THEMIS: variants seen among roughly 807,000 people sequenced by gnomAD.
The protein encoded by THEMIS is thymocyte selection associated.
In THEMIS, 37 loss-of-function variants were observed where a neutral mutation model predicts 52.6. The ratio of observed to expected loss-of-function variants is 0.70; its 90% confidence interval spans 0.54 to 0.93. THEMIS has a LOEUF of 0.93. Among genes scored for constraint, THEMIS ranks in the 40% least tolerant of loss-of-function variants. THEMIS has a pLI of 0.00. For missense variants in THEMIS, 808 were observed against 763.1 expected, an observed-to-expected ratio of 1.06 and a Z score of -0.69; for synonymous variants, 292 against 272.7, an observed-to-expected ratio of 1.07 and a Z score of -0.70.
At chr6:127,912,597 C>A (rs922338607) in intron 1 of THEMIS, among the ~76,000 whole-genome samples, 4 of 152,102 alleles carry the variant, frequency 2.6e-5, no homozygotes, top group African/African-American at 4.8e-5. Flanking sequence ...TTATTTTAGA[C>A]CCAGGGATGA....
intron 4 of THEMIS, among the ~76,000 whole-genome samples, chr6:127,746,974 AT>A (rs1299778535): frequency 6.0e-5 from 5 of 83,610 alleles, no homozygotes; most frequent in Admixed American, 2.0e-4. Flanking sequence ...CTATAATTAT[AT>A]TATATATAAT....
At position 127,731,864 on chromosome 6, in the gene THEMIS, A is replaced by ATTTTTTTTTTTTTTTTTTTTTTTT. The variant is rs58263706; in HGVS notation, c.1759-12042_1759-12041insAAAAAAAAAAAAAAAAAAAAAAAA. Among the ~76,000 whole-genome samples, 33 of 41,714 alleles carry ATTTTTTTTTTTTTTTTTTTTTTTT rather than the reference A, an allele frequency of 7.9e-4. 5 individuals are homozygous for ATTTTTTTTTTTTTTTTTTTTTTTT. Among genetic ancestry groups the ATTTTTTTTTTTTTTTTTTTTTTTT allele is most frequent in the Admixed American group, 2.3e-3 (5 of 2,158 alleles). The allele number at this position is 41,714 out of a possible 152,430, so 27.4% of individuals were successfully genotyped here. Reference sequence around the variant, plus strand: ...AGGTGCATGCCACCATGCCCGGCTAATTTTTTTTTTTTTTTTTTTTTTTAG... The same window carrying ATTTTTTTTTTTTTTTTTTTTTTTT: ...AGGTGCATGCCACCATGCCCGGCTAATTTTTTTTTTTTTTTTTTTTTTTTTTTTTTTTTTTTTTTTTTTTTTTAG... On this transcript the variant is annotated intron_variant, in intron 4 of 5. Coordinates refer to ENST00000368248, the MANE Select transcript of THEMIS (RefSeq NM_001010923.3).
At position 127,764,875 on chromosome 6, in the gene THEMIS, A is replaced by G. The variant is rs552554750; in HGVS notation, c.1759-45052T>C. Among the ~76,000 whole-genome samples, 6 of 151,988 alleles carry G rather than the reference A, an allele frequency of 3.9e-5. 1 individual carries two copies. In the South Asian group the frequency reaches 8.3e-4, roughly 21 times the overall value. On this transcript the variant is annotated intron_variant, in intron 4 of 5. Coordinates refer to ENST00000368248, the MANE Select transcript of THEMIS (RefSeq NM_001010923.3). Reference sequence around the variant, plus strand: ...CATTATCATGAAATTAGACCCCCCAATTGCAGTAGGAGTTTATGCTTCATT... The same window carrying G: ...CATTATCATGAAATTAGACCCCCCAGTTGCAGTAGGAGTTTATGCTTCATT...
At chr6:127,829,243 GCA>G (rs1172614145) in intron 3 of THEMIS, among the ~76,000 whole-genome samples, 2 of 152,106 alleles carry the variant, frequency 1.3e-5, no homozygotes, top group African/African-American at 4.8e-5. Context: ...GATAGTTATA[GCA>G]CCTCATATGT....
intron 4 of THEMIS, among the ~76,000 whole-genome samples, chr6:127,720,991 G>A (rs528774328): frequency 2.0e-4 from 30 of 151,822 alleles, no homozygotes; most frequent in Non-Finnish European, 3.8e-4. Context: ...TCTGACTTTT[G>A]GCCTATCAAT....
intron 3 of THEMIS, among the ~76,000 whole-genome samples, chr6:127,827,890 A>G (rs746810098): frequency 7.2e-5 from 11 of 152,060 alleles, no homozygotes; most frequent in Admixed American, 4.6e-4. Context: ...CTTAGTATAT[A>G]CTTCAAGACC....
At chr6:127,715,232 T>G (rs1453463549) in intron 5 of THEMIS, among the ~76,000 whole-genome samples, 1 of 151,918 alleles carries the variant, frequency 6.6e-6, no homozygotes, top group Non-Finnish European at 1.5e-5. Flanking sequence ...ACTAATATCG[T>G]TATTCTGTTT....
At chr6:127,892,046 G>GAA (rs1780828391) in intron 1 of THEMIS, among the ~76,000 whole-genome samples, 2 of 152,082 alleles carry the variant, frequency 1.3e-5, no homozygotes, top group Non-Finnish European at 2.9e-5. Flanking sequence ...TCTTCAGAGT[G>GAA]GCCTTCCCTG....
intron 1 of THEMIS, among the ~76,000 whole-genome samples, chr6:127,911,285 G>C (rs967723790): frequency 1.3e-5 from 2 of 151,164 alleles, no homozygotes; most frequent in African/African-American, 4.9e-5. Context: ...GTAGCTCCTT[G>C]AGGGAGGAAT....
intron 1 of THEMIS, among the ~76,000 whole-genome samples, chr6:127,885,391 A>T (rs1780613358): frequency 6.6e-6 from 1 of 152,060 alleles, no homozygotes; most frequent in African/African-American, 2.4e-5. Context: ...GACTTTTCTG[A>T]GTGGTGAGTT....
At chr6:127,796,984 A>G (rs1777351315) in intron 4 of THEMIS, among the ~76,000 whole-genome samples, 1 of 152,208 alleles carries the variant, frequency 6.6e-6, no homozygotes, top group South Asian at 2.1e-4. Context: ...ACTCCAGCTC[A>G]GTTTAGCATA....
At position 127,813,591 on chromosome 6, in the gene THEMIS, T is replaced by C. The variant is rs748194810; in HGVS notation, c.1050A>G (p.Pro350=). Residue 350 remains proline (P), a synonymous_variant, in exon 4 of 6, where the codon CCA becomes CCG. Coordinates refer to ENST00000368248, the MANE Select transcript of THEMIS (RefSeq NM_001010923.3). ...GKFKRRPREF[P]TAYDLEIAKS... is the part of the protein sequence containing the mutation. ...TAGCGATCTCTAGGTCATAGGCCGT[T>C]GGGAACTCCCTCGGTCGCCGCTTGA... The C allele has an allele frequency of 6.1e-5, 98 of 1,613,968 alleles. No individual in the cohort carries two copies. The highest frequency in any genetic ancestry group is 5.1e-6 in the Non-Finnish European group (6 of 1,180,004).
At chr6:127,729,140 T>TTCTCTCTCTCTC (rs35400135) in intron 4 of THEMIS, among the ~76,000 whole-genome samples, 1 of 106,234 alleles carries the variant, frequency 9.4e-6, no homozygotes, top group Non-Finnish European at 1.8e-5. Flanking sequence ...TACCAATTTA[T>TTCTCTCTCTCTC]TCTCTCTCTC....
chr6:127,721,845 A>G (rs926116369), intron 4 of THEMIS, among the ~76,000 whole-genome samples: 1 of 152,062 alleles, frequency 6.6e-6, no homozygotes, highest in Admixed American at 6.6e-5. Context: ...TGAGCAATGC[A>G]ATAGATCAAA....
intron 4 of THEMIS, among the ~76,000 whole-genome samples, chr6:127,751,677 A>G (rs1398741647): frequency 3.3e-5 from 5 of 151,692 alleles, no homozygotes; most frequent in Admixed American, 1.3e-4. Flanking sequence ...GCACCTAACT[A>G]TATAAAACAA....
intron 4 of THEMIS, among the ~76,000 whole-genome samples, chr6:127,755,989 C>T (rs1315822866): frequency 2.0e-5 from 3 of 151,452 alleles, no homozygotes; most frequent in South Asian, 2.1e-4. Context: ...ATCACACCAC[C>T]GCACTCCAGC....
intron 3 of THEMIS, 116 bp from the exon 4 acceptor site, chr6:127,814,047 A>G: frequency 1.2e-6 from 1 of 847,624 alleles, no homozygotes; most frequent in Non-Finnish European, 1.7e-6. Flanking sequence ...TCAGATGATC[A>G]TCATATATCA....
At chr6:127,896,131 C>G (rs979357602) in intron 1 of THEMIS, among the ~76,000 whole-genome samples, 2 of 150,710 alleles carry the variant, frequency 1.3e-5, no homozygotes, top group Non-Finnish European at 3.0e-5. Context: ...TTTTTAAAAC[C>G]TGTTAGAAAA....
At chr6:127,752,111 C>A (rs1775663052) in intron 4 of THEMIS, among the ~76,000 whole-genome samples, 1 of 151,434 alleles carries the variant, frequency 6.6e-6, no homozygotes, top group African/African-American at 2.4e-5. Flanking sequence ...TGTCTTGGGA[C>A]AAACAAAAAT....
Sources: gnomAD v4.1 joint callset for allele counts (sites outside exome capture counted in the v4.1 genomes callset) on GRCh38, gnomAD v4.1.1 for gene constraint, MANE v1.5 for transcripts, NCBI Gene and HGNC (gene_info 2026-07-23, HGNC 2026-07-21) for gene names.